Variants in AGMO observed in about 807,000 individuals in gnomAD.
The protein encoded by AGMO is alkylglycerol monooxygenase, also known as glyceryl-ether monooxygenase.
In AGMO, 75 loss-of-function variants were observed where a neutral mutation model predicts 60.2. That is an observed-to-expected ratio of 1.25 (90% CI 1.03 to 1.51). The LOEUF is 1.51. AGMO is among the 40% of genes most tolerant of loss of function. The pLI, the probability that AGMO is intolerant of heterozygous loss-of-function variation, is 0.00. For synonymous variants in AGMO, 261 were observed against 177.1 expected (o/e 1.47, Z -3.76); for missense variants, 763 against 525.5 (o/e 1.45, Z -4.42).
At chr7:15,251,248 T>C (rs1262131235) in intron 12 of AGMO, among the ~76,000 whole-genome samples, 1 of 152,118 alleles carries the variant, frequency 6.6e-6, no homozygotes, top group East Asian at 1.9e-4. Flanking sequence ...ATGACCAATA[T>C]GAGCCAATTA....
the AGMO span, among the ~76,000 whole-genome samples, chr7:15,128,112 A>T: frequency 6.6e-6 from 1 of 152,054 alleles, no homozygotes; most frequent in Non-Finnish European, 1.5e-5. Flanking sequence ...TCTTGCCCTG[A>T]ACCCTGCCAG....
intron 2 of AGMO, among the ~76,000 whole-genome samples, chr7:15,547,720 G>A (rs967805770): frequency 6.6e-6 from 1 of 152,136 alleles, no homozygotes; most frequent in East Asian, 1.9e-4. Flanking sequence ...AAACTGCAAG[G>A]CGGCAGCGAG....
At chr7:15,198,234 A>AGAGAGAGAGAGAGG (rs1781177407), downstream of AGMO, among the ~76,000 whole-genome samples, 1 of 114,738 alleles carries the variant, frequency 8.7e-6, no homozygotes, top group Non-Finnish European at 1.7e-5. Flanking sequence ...AGAGAGAGAG[A>AGAGAGAGAGAGAGG]GAGAGAGAGA....
chr7:15,365,359 C>A (rs566923894), intron 12 of AGMO, among the ~76,000 whole-genome samples, 155 bp downstream of exon 12: 1 of 67,400 alleles, frequency 1.5e-5, no homozygotes, highest in Non-Finnish European at 2.7e-5. Context: ...TCAGATGACA[C>A]AACTAACAAG....
chr7:15,290,739 A>G (rs996295434), intron 12 of AGMO, among the ~76,000 whole-genome samples: 5 of 152,194 alleles, frequency 3.3e-5, no homozygotes, highest in African/African-American at 1.2e-4. Context: ...ATCATCAAAA[A>G]AATTATTTAA....
In AGMO at chr7:15,365,626, T is replaced by A; in HGVS notation, c.1158-7A>T. On this transcript the variant is annotated splice_region_variant and splice_polypyrimidine_tract_variant and intron_variant, in intron 11 of 12. Coordinates refer to ENST00000342526, the MANE Select transcript of AGMO (RefSeq NM_001004320.2). ...CATAATAGCTGCCTTGGGTCTGAAA[T>A]AAAATGTCATTAACATGCATTAGCT... is the stretch of plus-strand genomic sequence containing the variant. 1.3e-6 allele frequency: 2 copies of A among 1,595,080 alleles called. No homozygotes were observed. The highest frequency in any genetic ancestry group is 1.7e-6 in the Non-Finnish European group (2 of 1,163,636).
intron 12 of AGMO, among the ~76,000 whole-genome samples, chr7:15,229,740 A>AATATATAATATATTATATATAATATAAT (rs1782202272): frequency 6.8e-6 from 1 of 147,200 alleles, no homozygotes; most frequent in South Asian, 2.1e-4. Flanking sequence ...TATATATTAT[A>AATATATAATATATTATATATAATATAAT]ATATATATAA....
intron 3 of AGMO, among the ~76,000 whole-genome samples, chr7:15,538,527 G>A (rs1359390461): frequency 6.6e-6 from 1 of 152,070 alleles, no homozygotes; most frequent in East Asian, 1.9e-4. Context: ...ACAGGTATGA[G>A]CCAGCATACC....
chr7:15,397,143 G>A (rs975366370), intron 5 of AGMO, among the ~76,000 whole-genome samples: 3 of 152,100 alleles, frequency 2.0e-5, no homozygotes, highest in Non-Finnish European at 4.4e-5. Context: ...CAGCCCAGAG[G>A]GAGCTCTCCC....
At chr7:15,433,045 T>C (rs2128499017) in intron 3 of AGMO, among the ~76,000 whole-genome samples, 1 of 152,122 alleles carries the variant, frequency 6.6e-6, no homozygotes, top group East Asian at 1.9e-4. Context: ...TTATAACTTA[T>C]GATTTTATAA....
intron 3 of AGMO, among the ~76,000 whole-genome samples, chr7:15,481,868 C>T (rs1782761610): frequency 7.3e-6 from 1 of 136,132 alleles, no homozygotes; most frequent in African/African-American, 2.8e-5. Context: ...GTTCTCTGAA[C>T]ACACTGGGAC....
At chr7:15,398,488 C>T (rs1187685525) in intron 5 of AGMO, among the ~76,000 whole-genome samples, 2 of 152,162 alleles carry the variant, frequency 1.3e-5, no homozygotes, top group South Asian at 2.1e-4. Context: ...ATCATTCTGA[C>T]AGCCCAGTCA....
At position 15,390,757 on chromosome 7, in the gene AGMO, G is replaced by C. The variant is rs750170734; in HGVS notation, c.743-7C>G. ...TTTTCTGCTTCAAATGTCCCTGGAA[G>C]ATAAATATAAAGATATGAGATTTGG... On this transcript the variant is annotated splice_polypyrimidine_tract_variant and splice_region_variant and intron_variant, in intron 7 of 12. Coordinates refer to ENST00000342526, the MANE Select transcript of AGMO (RefSeq NM_001004320.2). 3 of 1,604,794 alleles carry C rather than the reference G, an allele frequency of 1.9e-6. No individual in the cohort carries two copies. In the East Asian group the frequency reaches 6.7e-5, roughly 36 times the overall value.
chr7:15,519,067 A>G (rs1189102772), intron 3 of AGMO, among the ~76,000 whole-genome samples: 1 of 151,760 alleles, frequency 6.6e-6, no homozygotes, highest in African/African-American at 2.4e-5. Flanking sequence ...AAAGGATATC[A>G]GAGAATGAAG....
chr7:15,147,578 G>C, the AGMO span, among the ~76,000 whole-genome samples: 2 of 151,986 alleles, frequency 1.3e-5, no homozygotes, highest in Non-Finnish European at 2.9e-5. Context: ...ATTTGGGTGG[G>C]GACACAGCCA....
In AGMO at chr7:15,533,483, A is replaced by G. The variant is rs1056451996; in HGVS notation, c.409+11289T>C. 2.6e-5 allele frequency among the ~76,000 whole-genome samples: 4 copies of G among 152,246 alleles called. No individual in the cohort carries two copies. The East Asian group carries it at 5.8e-4, about 22-fold the overall frequency. ...GATCTTTGCTATAAATATGATTTAT[A>G]TATCACTGCCTCCACTCAAATATCC... On this transcript the variant is annotated intron_variant, in intron 3 of 12. Coordinates refer to ENST00000342526, the MANE Select transcript of AGMO (RefSeq NM_001004320.2).
At chr7:15,197,823 C>T (rs1193599576), downstream of AGMO, among the ~76,000 whole-genome samples, 3 of 152,144 alleles carry the variant, frequency 2.0e-5, no homozygotes, top group Non-Finnish European at 4.4e-5. Context: ...TCAGCTTATA[C>T]TTTTAAAGGC....
rs1353533314 is a variant in AGMO at position 15,404,296 on chromosome 7, G to A, written c.610-10117C>T. On this transcript the variant is annotated intron_variant, in intron 5 of 12. Coordinates refer to ENST00000342526, the MANE Select transcript of AGMO (RefSeq NM_001004320.2). ...TTGAAGGCTGATTCTTGTCACTTAT[G>A]ATTACATTATTCTTCAAACAAAAAG... Among the ~76,000 whole-genome samples, 3 of 151,848 alleles carry A rather than the reference G, an allele frequency of 2.0e-5. No homozygotes were observed. The East Asian group carries it at 5.8e-4, about 29-fold the overall frequency.
chr7:15,391,144 TGTCAC>T (rs1443755933), intron 6 of AGMO, among the ~76,000 whole-genome samples: 1 of 152,090 alleles, frequency 6.6e-6, no homozygotes, highest in Non-Finnish European at 1.5e-5. Context: ...CATGCTTTCT[TGTCAC>T]AGTTTTTCAG....
Sources: gnomAD v4.1 joint callset for allele counts (sites outside exome capture counted in the v4.1 genomes callset) on GRCh38, gnomAD v4.1.1 for gene constraint, MANE v1.5 for transcripts, NCBI Gene and HGNC (gene_info 2026-07-23, HGNC 2026-07-21) for gene names.